NBEAL2: variants seen among roughly 807,000 people sequenced by gnomAD.
The protein encoded by NBEAL2 is neurobeachin-like protein 2.
A neutral mutation model predicts 299.8 loss-of-function variants in NBEAL2; 160 were observed. The observed-to-expected ratio is 0.53, with a 90% CI of 0.47 to 0.61. NBEAL2 has a LOEUF of 0.61. Ranked by LOEUF, NBEAL2 falls within the 20% of genes least tolerant of loss-of-function variation. NBEAL2 has a pLI of 0.00. For missense variants in NBEAL2, 3,112 were observed against 3,649.0 expected (o/e 0.85, Z 3.79); for synonymous variants, 1,493 against 1,542.3 (o/e 0.97, Z 0.75).
Position 46,996,596 on chromosome 3 carries a change from T to TGGCACACCCTGGGTGTG in NBEAL2, c.2473+5_2473+6insGCACACCCTGGGTGTGG. 1 of 1,524,844 alleles carries TGGCACACCCTGGGTGTG rather than the reference T, an allele frequency of 6.6e-7. No homozygotes were observed. The highest frequency in any genetic ancestry group is 8.8e-7 in the Non-Finnish European group (1 of 1,135,072). 94.5% of individuals were successfully genotyped at this position (1,524,844 alleles called of 1,614,324 possible). On this transcript the variant is annotated splice_donor_region_variant and intron_variant, in intron 16 of 53. Transcript: ENST00000450053. ...CTGAGGACCCTGTGCACCCTGGGTA[T>TGGCACACCCTGGGTGTG]GCAGCATTCTCCATCTCTGCCACAG...
At chr3:46,985,815 G>T (rs1454971828) in intron 1 of NBEAL2, among the ~76,000 whole-genome samples, 2 of 152,182 alleles carry the variant, frequency 1.3e-5, no homozygotes, top group Admixed American at 1.3e-4. Flanking sequence ...TCCCTGACCC[G>T]TGTTCCTGCT....
In NBEAL2 at chr3:46,996,031, C is replaced by T. The variant is rs774329634; in HGVS notation, c.2131C>T (p.Arg711Cys). ...CCATCTGGTCAAGACAGCACCCCTT[C>T]GCTGCCCCTCCCTCAGTGAGGTGTG... ...DGHLVKTAPL[R>C]CPSLSEPFSS... Residue 711 changes from arginine to cysteine, a missense_variant, in exon 15 of 54, where the codon CGC (arginine) becomes TGC (cysteine). Transcript: ENST00000450053. The T allele has an allele frequency of 4.9e-5, 79 of 1,609,258 alleles. No homozygotes were observed. Among genetic ancestry groups the T allele is most frequent in the Non-Finnish European group, 6.0e-5 (71 of 1,178,064 alleles).
chr3:47,007,648 G>A lies in NBEAL2; in HGVS notation c.7458G>A (p.Val2486=). 1 of 1,611,490 alleles carries A rather than the reference G, an allele frequency of 6.2e-7. No individual in the cohort carries two copies. The highest frequency in any genetic ancestry group is 1.7e-4 in the Middle Eastern group (1 of 6,060). The part of the protein sequence containing the change: ...SGGHWDGSLR[V]TALPRGKLLS... ...GCCACTGGGATGGCAGCCTGCGGGTGACTGCACTACCCCGTGGCAAGCTGT... is the reference window on the plus strand; with the variant it reads ...GCCACTGGGATGGCAGCCTGCGGGTAACTGCACTACCCCGTGGCAAGCTGT... Residue 2486 remains valine, a synonymous_variant, in exon 48 of 54, where the codon GTG becomes GTA. Coordinates refer to ENST00000450053, the MANE Select transcript of NBEAL2 (RefSeq NM_015175.3).
At chr3:47,006,110 C>G (rs745949878) in intron 43 of NBEAL2, 47 bp downstream of exon 43, 1 of 1,612,566 alleles carries the variant, frequency 6.2e-7, no homozygotes, top group East Asian at 2.2e-5. Flanking sequence ...AAGATCAGGT[C>G]GGGTGGATGC....
Position 47,006,020 on chromosome 3 carries a change from C to T in NBEAL2, c.6876C>T (p.Ala2292=), listed in dbSNP as rs1464105545. The change falls in exon 43 of 54, where the codon GCC becomes GCT. Residue 2292 remains alanine (A), a synonymous_variant. Transcript: ENST00000450053. ...TTGGCTACAAGCAGCGGGGGCCAGCCGCCGAGGAGGCCCTCAATGTCTTCT... is the reference window on the plus strand; with the variant it reads ...TTGGCTACAAGCAGCGGGGGCCAGCTGCCGAGGAGGCCCTCAATGTCTTCT... ...LIFGYKQRGP[A]AEEALNVFYY... 2 of 1,613,754 alleles carry T rather than the reference C, an allele frequency of 1.2e-6. No homozygotes were observed. Among genetic ancestry groups the T allele is most frequent in the Non-Finnish European group, 1.7e-6 (2 of 1,179,894 alleles).
rs763783167 is a variant in NBEAL2 at position 46,996,339 on chromosome 3, A to G, written c.2220A>G (p.Thr740=). Residue 740 remains threonine, a synonymous_variant, in exon 16 of 54, where the codon ACA becomes ACG. Coordinates refer to ENST00000450053, the MANE Select transcript of NBEAL2 (RefSeq NM_015175.3). The part of the protein sequence containing the change: ...RTTTTTTGLP[T]PPVPATLAYT... ...CGACCACCACCACAGGGCTGCCCACACCACCAGTCCCCGCCACCCTGGCCT... is the reference window on the plus strand; with the variant it reads ...CGACCACCACCACAGGGCTGCCCACGCCACCAGTCCCCGCCACCCTGGCCT... 1 of 1,611,782 alleles carries G rather than the reference A, an allele frequency of 6.2e-7. No individual in the cohort carries two copies. Among genetic ancestry groups the G allele is most frequent in the Non-Finnish European group, 8.5e-7 (1 of 1,179,780 alleles).
chr3:46,991,221 A>G lies in NBEAL2; in HGVS notation c.559A>G (p.Ser187Gly). The change falls in exon 7 of 54, where the codon AGC becomes GGC. Residue 187 changes from serine to glycine, a missense_variant and splice_region_variant. Physicochemically the swap from Ser to Gly is moderately conservative, Grantham distance 56. Around this residue, in one of 3 missense-constraint regions of NBEAL2, gnomAD observed 2,243 missense variants for 2,538.1 expected, o/e 0.88. Coordinates refer to ENST00000450053, the MANE Select transcript of NBEAL2 (RefSeq NM_015175.3). The surrounding 1 kb of genome is among the most constrained non-coding windows in gnomAD (Gnocchi z 6.2). Reference protein sequence around the residue: ...PQEFSAFFQESLQNADHLPPI... With the variant: ...PQEFSAFFQEGLQNADHLPPI... ...CCTGCCCACACCCCCCTACCCAGAG[A>G]GCCTACAGAATGCAGACCACTTGCC... is the stretch of plus-strand genomic sequence containing the variant. The G allele has an allele frequency of 6.2e-7, 1 of 1,605,234 alleles. No individual in the cohort carries two copies. The highest frequency in any genetic ancestry group is 1.3e-5 in the African/African-American group (1 of 74,762).
In NBEAL2 at chr3:46,988,576, T is replaced by C. The variant is rs1165825324; in HGVS notation, c.52-93T>C. 1 of 872,952 alleles carries C rather than the reference T, an allele frequency of 1.1e-6. No individual in the cohort carries two copies. Among genetic ancestry groups the C allele is most frequent in the Non-Finnish European group, 1.7e-6 (1 of 587,884 alleles). The allele number at this position is 872,952 out of a possible 1,614,324, so 54.1% of individuals were successfully genotyped here. On this transcript the variant is annotated intron_variant, in intron 1 of 53. Transcript: ENST00000450053. The surrounding 1 kb of genome is among the most constrained non-coding windows in gnomAD (Gnocchi z 4.4). Reference sequence around the variant, plus strand: ...TGTCCATGCCCTCTGTCCACCTCCATTCATTCTTCGCCTCTGTCTACATCC... The same window carrying C: ...TGTCCATGCCCTCTGTCCACCTCCACTCATTCTTCGCCTCTGTCTACATCC...
chr3:47,000,943 T>C lies in NBEAL2; in HGVS notation c.4306-58T>C, dbSNP rs535444493. 6.4e-7 allele frequency: 1 copy of C among 1,550,846 alleles called. No homozygotes were observed. The highest frequency in any genetic ancestry group is 8.7e-7 in the Non-Finnish European group (1 of 1,146,910). On this transcript the variant is annotated intron_variant, in intron 27 of 53. Coordinates refer to ENST00000450053, the MANE Select transcript of NBEAL2 (RefSeq NM_015175.3). This position sits in a 1 kb window ranked among gnomAD's most constrained non-coding sequence, Gnocchi z 4.5. Reference sequence around the variant, plus strand: ...GAGTGGGGATGGGTGGGCGTCAGCCTGATTCCCTCCCTTAGCCGCCCACAA... The same window carrying C: ...GAGTGGGGATGGGTGGGCGTCAGCCCGATTCCCTCCCTTAGCCGCCCACAA...
Position 47,007,254 on chromosome 3 carries a change from C to G in NBEAL2, c.7238C>G (p.Ala2413Gly). The change falls in exon 47 of 54, where the codon GCC (alanine) becomes GGC (glycine). Residue 2413 changes from alanine (A) to glycine (G), a missense_variant. This residue lies in a region of NBEAL2 where 521 missense variants were observed against 729.6 expected (regional missense o/e 0.71). Coordinates refer to ENST00000450053, the MANE Select transcript of NBEAL2 (RefSeq NM_015175.3). ...GSPDLLVTVS[A>G]SGLLGTHSWL... is the part of the protein sequence containing the mutation. ...TCCTGCCTGCAGGTGACTGTGAGTG[C>G]CAGTGGGCTGCTGGGCACCCACAGC... The G allele has an allele frequency of 6.2e-7, 1 of 1,612,270 alleles. No homozygotes were observed. Among genetic ancestry groups the G allele is most frequent in the Non-Finnish European group, 8.5e-7 (1 of 1,179,178 alleles).
Position 46,995,866 on chromosome 3 carries a change from A to C in NBEAL2, c.2031+20A>C, listed in dbSNP as rs757402094. On this transcript the variant is annotated intron_variant, in intron 14 of 53. Coordinates refer to ENST00000450053, the MANE Select transcript of NBEAL2 (RefSeq NM_015175.3). Reference sequence around the variant, plus strand: ...GCCTGGGTGAGACCCCATCCTTCTCATGTGGCCCAGTAGAGAGAGGGGTGC... The same window carrying C: ...GCCTGGGTGAGACCCCATCCTTCTCCTGTGGCCCAGTAGAGAGAGGGGTGC... The C allele has an allele frequency of 1.9e-6, 3 of 1,613,710 alleles. No individual in the cohort carries two copies. The South Asian group carries it at 3.3e-5, about 18-fold the overall frequency.
Position 47,009,266 on chromosome 3 carries a change from C to T in NBEAL2, c.8211C>T (p.Arg2737=). Reference sequence around the variant, plus strand: ...GGAAGCTGTGGCGGTCCTCGCGGCGCATCTCCCAGGTGTCCTCGGGAGAGA... The same window carrying T: ...GGAAGCTGTGGCGGTCCTCGCGGCGTATCTCCCAGGTGTCCTCGGGAGAGA... ...FARKLWRSSR[R]ISQVSSGETE... is the part of the protein sequence containing the mutation. Residue 2737 remains arginine, a synonymous_variant, in exon 54 of 54, where the codon CGC becomes CGT. Transcript: ENST00000450053. 2 of 1,602,664 alleles carry T rather than the reference C, an allele frequency of 1.2e-6. No homozygotes were observed. The highest frequency in any genetic ancestry group is 1.1e-5 in the South Asian group (1 of 88,868).
At chr3:47,009,193 T>C in intron 53 of NBEAL2, 26 bp from the exon 54 acceptor site, 1 of 1,574,886 alleles carries the variant, frequency 6.3e-7, no homozygotes, top group African/African-American at 1.4e-5. Flanking sequence ...TCCCAGCTGA[T>C]CCTACTCAAC....
Position 46,995,404 on chromosome 3 carries a change from C to T in NBEAL2, c.1669C>T (p.His557Tyr), listed in dbSNP as rs2036413177. ...CGGAGCTGAGGCTGGAAAGGCCCGA[C>T]ACGCAGGTGCTGTCATCCGCACATT... ...PGGAEAGKAR[H>Y]AGAVIRTLSG... The change falls in exon 13 of 54, where the codon CAC becomes TAC. Residue 557 changes from histidine to tyrosine, a missense_variant. This residue lies in a region of NBEAL2 where 2,243 missense variants were observed against 2,538.1 expected (regional missense o/e 0.88). Coordinates refer to ENST00000450053, the MANE Select transcript of NBEAL2 (RefSeq NM_015175.3). 4 of 1,612,798 alleles carry T rather than the reference C, an allele frequency of 2.5e-6. No homozygotes were observed. Among genetic ancestry groups the T allele is most frequent in the Non-Finnish European group, 2.5e-6 (3 of 1,179,880 alleles).
In NBEAL2 at chr3:46,997,974, G is replaced by A. The variant is rs1041784808; in HGVS notation, c.2959-93G>A. On this transcript the variant is annotated intron_variant, in intron 20 of 53. Transcript: ENST00000450053. ...CAGGCTGGTGGCCATGTTTGTGGCC[G>A]TCATGGCTGTGCAGGGAAGAGTGGC... The A allele has an allele frequency of 1.0e-4, 147 of 1,421,166 alleles. 2 individuals are homozygous for A. Among genetic ancestry groups the A allele is most frequent in the Non-Finnish European group, 1.2e-4 (128 of 1,068,480 alleles). 88.0% of individuals were successfully genotyped at this position (1,421,166 alleles called of 1,614,324 possible).
In NBEAL2 at chr3:46,997,434, G is replaced by GT; in HGVS notation, c.2824+2dup. On this transcript the variant is annotated splice_donor_variant, in intron 19 of 53. Transcript: ENST00000450053. LOFTEE classifies it high-confidence loss of function. ...GTTCTCCCATTGGGTAAATCTTCAG[G>GT]TAAGTGTTCCTGGTGCCTATGTTGT... 1 of 1,607,358 alleles carries GT rather than the reference G, an allele frequency of 6.2e-7. No individual in the cohort carries two copies.
Position 47,008,539 on chromosome 3 carries a change from T to C in NBEAL2, c.7898T>C (p.Leu2633Pro). 6.2e-7 allele frequency: 1 copy of C among 1,613,704 alleles called. No individual in the cohort carries two copies. Among genetic ancestry groups the C allele is most frequent in the Non-Finnish European group, 8.5e-7 (1 of 1,179,810 alleles). ...PGAQVTYSLH[L>P]YSVNGKLRAS... ...CTCCAGGTCACCTACTCCTTGCACC[T>C]GTATTCAGTCAATGGGAAGTTGCGG... Residue 2633 changes from leucine (L) to proline (P), a missense_variant, in exon 52 of 54, where the codon CTG becomes CCG. By Grantham distance (98) the Leu-to-Pro change is moderately conservative. Around this residue, in one of 3 missense-constraint regions of NBEAL2, gnomAD observed 348 missense variants for 381.4 expected, o/e 0.91. Coordinates refer to ENST00000450053, the MANE Select transcript of NBEAL2 (RefSeq NM_015175.3).
chr3:47,002,890 G>A (rs2037136390), intron 33 of NBEAL2, 67 bp from the exon 34 acceptor site: 2 of 1,585,046 alleles, frequency 1.3e-6, no homozygotes, highest in African/African-American at 1.3e-5. Context: ...CCTTTGGGGT[G>A]AGGCCAGGGA....
rs773228079 is a variant in NBEAL2 at position 47,005,486 on chromosome 3, C to A, written c.6561-3C>A. On this transcript the variant is annotated splice_region_variant and splice_polypyrimidine_tract_variant and intron_variant, in intron 40 of 53. Transcript: ENST00000450053. ...TCACCTTGGCCCCGTGCCCCTCCCC[C>A]AGCTTTGACTGCTCCGACCGGCAGT... 3.7e-6 allele frequency: 6 copies of A among 1,610,870 alleles called. No homozygotes were observed. Among genetic ancestry groups the A allele is most frequent in the African/African-American group, 1.3e-5 (1 of 74,832 alleles).
Sources: allele counts gnomAD v4.1 joint callset (sites outside exome capture counted in the v4.1 genomes callset), GRCh38; gene constraint gnomAD v4.1.1; regional missense constraint gnomAD v4.1.1; non-coding constraint Gnocchi (gnomAD v3.1); transcripts MANE v1.5; gene names NCBI Gene and HGNC (gene_info 2026-07-23, HGNC 2026-07-21).